Variants in THRB observed in about 807,000 individuals in gnomAD.
The protein encoded by THRB is thyroid hormone receptor beta.
THRB carries 12 observed loss-of-function variants against 47.8 expected under a neutral mutation model. That is an observed-to-expected ratio of 0.25 (90% CI 0.16 to 0.41). The LOEUF (loss-of-function observed/expected upper bound fraction) is 0.41. THRB is among the 10% of genes least tolerant of loss of function. The pLI is 1.00. For synonymous variants in THRB, 218 were observed against 212.2 expected (o/e 1.03, Z -0.24); for missense variants, 348 against 589.2 (o/e 0.59, Z 4.24).
intron 8 of THRB, among the ~76,000 whole-genome samples, chr3:24,139,818 T>A (rs189254916): frequency 1.3e-5 from 2 of 152,368 alleles, no homozygotes; most frequent in East Asian, 3.9e-4. Flanking sequence ...TACTTTCAGC[T>A]TTAATGACAA....
intron 1 of THRB, among the ~76,000 whole-genome samples, chr3:24,367,654 T>G (rs909546588): frequency 1.3e-4 from 20 of 152,194 alleles, no homozygotes; most frequent in Non-Finnish European, 2.5e-4. Flanking sequence ...TGTAACATGC[T>G]TTGTTGCTAC....
intron 6 of THRB, among the ~76,000 whole-genome samples, chr3:24,148,351 T>A (rs945405993): frequency 6.6e-6 from 1 of 152,078 alleles, no homozygotes; most frequent in South Asian, 2.1e-4. Context: ...GGTCTCGAAC[T>A]CCTGGCCTTC....
chr3:24,436,800 G>T (rs2071005495), intron 1 of THRB, among the ~76,000 whole-genome samples: 1 of 152,082 alleles, frequency 6.6e-6, no homozygotes, highest in African/African-American at 2.4e-5. Context: ...TACCAGGAAA[G>T]GTTCTCTTCT....
In THRB at chr3:24,301,219, TG is replaced by T. The variant is rs575960203; in HGVS notation, c.-188-3849del. Among the ~76,000 whole-genome samples, 14 of 152,352 alleles carry T rather than the reference TG, an allele frequency of 9.2e-5. No individual in the cohort carries two copies. In the South Asian group the frequency reaches 2.9e-3, roughly 32 times the overall value. ...ATTTCAAACTTCTTCTCCCCAGAACTGTGAGCATATATTCCTGTTGTTTTAA... is the reference window on the plus strand; with the variant it reads ...ATTTCAAACTTCTTCTCCCCAGAACTTGAGCATATATTCCTGTTGTTTTAA... On this transcript the variant is annotated intron_variant, in intron 2 of 10. Coordinates refer to ENST00000646209, the MANE Select transcript of THRB (RefSeq NM_001354712.2).
intron 1 of THRB, among the ~76,000 whole-genome samples, chr3:24,360,721 T>C (rs2064000541): frequency 6.6e-6 from 1 of 152,176 alleles, no homozygotes; most frequent in African/African-American, 2.4e-5. Flanking sequence ...TATAGTTCAC[T>C]TGGTACTAAG....
chr3:24,324,460 T>C (rs1471027584), intron 2 of THRB, among the ~76,000 whole-genome samples: 2 of 152,216 alleles, frequency 1.3e-5, no homozygotes, highest in African/African-American at 4.8e-5. Context: ...ACAGCTCCTT[T>C]CCTTGAGAAA....
intron 2 of THRB, among the ~76,000 whole-genome samples, chr3:24,304,574 C>A (rs2057199210): frequency 6.6e-6 from 1 of 151,984 alleles, no homozygotes; most frequent in African/African-American, 2.4e-5. Flanking sequence ...ATAATAGCTT[C>A]ATTACTGAAG....
chr3:24,207,592 G>C (rs1483074382), intron 4 of THRB, among the ~76,000 whole-genome samples: 1 of 152,050 alleles, frequency 6.6e-6, no homozygotes, highest in Non-Finnish European at 1.5e-5. Flanking sequence ...ACATTACCCA[G>C]CTGCACAGCC....
intron 1 of THRB, among the ~76,000 whole-genome samples, chr3:24,349,479 A>T (rs1401710889): frequency 6.6e-6 from 1 of 152,174 alleles, no homozygotes. Context: ...TAATTAAAAC[A>T]GTATGCTATT....
intron 6 of THRB, among the ~76,000 whole-genome samples, chr3:24,148,653 G>C (rs2149057686): frequency 1.3e-5 from 2 of 152,324 alleles, no homozygotes; most frequent in African/African-American, 4.8e-5. Flanking sequence ...AGTTGATCTA[G>C]ATTCAGCCCA....
chr3:24,217,451 G>A (rs1317368360), intron 4 of THRB, among the ~76,000 whole-genome samples: 2 of 151,948 alleles, frequency 1.3e-5, no homozygotes, highest in Non-Finnish European at 2.9e-5. Flanking sequence ...TTAAAAACCA[G>A]TCAATGAATG....
At chr3:24,180,443 A>G (rs62255858) in intron 5 of THRB, among the ~76,000 whole-genome samples, 14,195 of 152,296 alleles carry the variant, frequency 0.093, 670 homozygotes, top group Middle Eastern at 0.12. Flanking sequence ...GTATTTTAAA[A>G]GGCAGTAAAG....
At chr3:24,218,710 T>C (rs2046865605) in intron 4 of THRB, among the ~76,000 whole-genome samples, 1 of 152,102 alleles carries the variant, frequency 6.6e-6, no homozygotes, top group Non-Finnish European at 1.5e-5. Flanking sequence ...AAATCTTACA[T>C]CCTCACCACA....
intron 3 of THRB, among the ~76,000 whole-genome samples, chr3:24,240,965 C>T (rs1330734105): frequency 6.6e-6 from 1 of 152,148 alleles, no homozygotes; most frequent in East Asian, 1.9e-4. Context: ...TCAGCCTTCT[C>T]TAGAATATTT....
intron 1 of THRB, among the ~76,000 whole-genome samples, chr3:24,488,463 G>A (rs541632506): frequency 6.6e-6 from 1 of 151,914 alleles, no homozygotes; most frequent in Admixed American, 6.6e-5. Flanking sequence ...AATAAAAATT[G>A]GATAAAACAT....
intron 1 of THRB, among the ~76,000 whole-genome samples, chr3:24,486,983 T>C (rs1472990371): frequency 6.6e-6 from 1 of 152,096 alleles, no homozygotes; most frequent in Non-Finnish European, 1.5e-5. Context: ...AATAAACCAT[T>C]CTCCAGCTTA....
chr3:24,253,035 A>G (rs1440421446), intron 3 of THRB, among the ~76,000 whole-genome samples: 1 of 152,158 alleles, frequency 6.6e-6, no homozygotes, highest in Non-Finnish European at 1.5e-5. Context: ...AATGAATACA[A>G]TACAATACAA....
intron 1 of THRB, among the ~76,000 whole-genome samples, chr3:24,444,112 A>G (rs1036284266): frequency 1.3e-5 from 2 of 152,328 alleles, no homozygotes; most frequent in South Asian, 2.1e-4. Context: ...TCAAATAAAT[A>G]GCTGTTAAAA....
chr3:24,130,123 C>A (rs1247462090), intron 9 of THRB, among the ~76,000 whole-genome samples: 1 of 152,154 alleles, frequency 6.6e-6, no homozygotes, highest in East Asian at 1.9e-4. Context: ...ACAGAAAGTA[C>A]ATGCAAAGGT....
Sources: gnomAD v4.1 joint callset for allele counts (sites outside exome capture counted in the v4.1 genomes callset) on GRCh38, gnomAD v4.1.1 for gene constraint, MANE v1.5 for transcripts, NCBI Gene and HGNC (gene_info 2026-07-23, HGNC 2026-07-21) for gene names.